Variants in INPP4B observed in about 807,000 individuals in gnomAD.
INPP4B encodes the protein inositol polyphosphate 4-phosphatase type II.
A neutral mutation model predicts 122.5 loss-of-function variants in INPP4B; 55 were observed. That is an observed-to-expected ratio of 0.45 (90% CI 0.36 to 0.56). The LOEUF (loss-of-function observed/expected upper bound fraction) is 0.56. Ranked by LOEUF, INPP4B falls within the 20% of genes least tolerant of loss-of-function variation. The pLI, the probability that INPP4B is intolerant of heterozygous loss-of-function variation, is 0.00. For missense variants in INPP4B, 1,000 were observed against 1,097.7 expected, an observed-to-expected ratio of 0.91 and a Z score of 1.26; for synonymous variants, 403 against 388.7, an observed-to-expected ratio of 1.04 and a Z score of -0.43.
At chr4:142,304,164 G>A (rs1762507044) in intron 9 of INPP4B, among the ~76,000 whole-genome samples, 1 of 151,990 alleles carries the variant, frequency 6.6e-6, no homozygotes, top group African/African-American at 2.4e-5. Context: ...TGAATCCAGG[G>A]GCATATGGGT....
chr4:142,545,785 A>ATGTGTG (rs1560782424), intron 2 of INPP4B, among the ~76,000 whole-genome samples: 11 of 108,502 alleles, frequency 1.0e-4, no homozygotes, highest in Non-Finnish European at 1.9e-4. Flanking sequence ...ATATACACAT[A>ATGTGTG]TATATGTGTG....
chr4:142,786,233 TGTA>T (rs767221041), intron 1 of INPP4B, among the ~76,000 whole-genome samples: 6 of 152,074 alleles, frequency 3.9e-5, no homozygotes. Flanking sequence ...TAGAGCCTCT[TGTA>T]GTCCAAGTAA....
intron 2 of INPP4B, among the ~76,000 whole-genome samples, chr4:142,651,278 T>C (rs925198385): frequency 3.3e-5 from 5 of 152,164 alleles, no homozygotes; most frequent in Admixed American, 6.6e-5. Context: ...AGGAAAGATC[T>C]AAAATTGACA....
At chr4:142,140,664 G>A (rs1407832613) in intron 18 of INPP4B, among the ~76,000 whole-genome samples, 1 of 152,138 alleles carries the variant, frequency 6.6e-6, no homozygotes, top group Non-Finnish European at 1.5e-5. Flanking sequence ...AGTCAGTCAT[G>A]GGTTTAGACA....
chr4:142,101,747 T>C (rs983145928), intron 23 of INPP4B, among the ~76,000 whole-genome samples: 5 of 152,184 alleles, frequency 3.3e-5, no homozygotes, highest in Non-Finnish European at 7.4e-5. Flanking sequence ...TGGAATATGA[T>C]TCTGTATATC....
intron 14 of INPP4B, among the ~76,000 whole-genome samples, chr4:142,205,272 A>G (rs1412498307): frequency 6.6e-6 from 1 of 152,136 alleles, no homozygotes; most frequent in Non-Finnish European, 1.5e-5. Context: ...ACATAATTAA[A>G]TATGAATTCA....
intron 12 of INPP4B, among the ~76,000 whole-genome samples, chr4:142,231,697 A>C (rs1189834881): frequency 6.6e-6 from 1 of 151,774 alleles, no homozygotes; most frequent in African/African-American, 2.4e-5. Flanking sequence ...TCCCTTTTCC[A>C]CTCCCTTGGA....
chr4:142,489,671 G>A (rs2149776151), intron 2 of INPP4B, among the ~76,000 whole-genome samples: 1 of 152,264 alleles, frequency 6.6e-6, no homozygotes, highest in Middle Eastern at 3.4e-3. Context: ...TGGGATTACA[G>A]GTGTGAGCCA....
At chr4:142,367,501 G>T (rs1336105665) in intron 7 of INPP4B, among the ~76,000 whole-genome samples, 5 of 152,020 alleles carry the variant, frequency 3.3e-5, no homozygotes, top group African/African-American at 9.7e-5. Flanking sequence ...CTATCAGTCT[G>T]TCTAGAGGGT....
intron 2 of INPP4B, among the ~76,000 whole-genome samples, chr4:142,551,167 T>C (rs74778232): frequency 0.015 from 2,266 of 152,260 alleles, 44 homozygotes; most frequent in African/African-American, 0.05. Context: ...ACACATTCTT[T>C]CTCTGGCAAC....
chr4:142,363,126 G>A (rs1245353587), intron 7 of INPP4B, among the ~76,000 whole-genome samples: 1 of 152,056 alleles, frequency 6.6e-6, no homozygotes, highest in Non-Finnish European at 1.5e-5. Flanking sequence ...TAGAGGGAAG[G>A]TACAGAGTTA....
chr4:142,254,293 G>A (rs1734356317), intron 11 of INPP4B, among the ~76,000 whole-genome samples: 1 of 146,818 alleles, frequency 6.8e-6, no homozygotes, highest in Non-Finnish European at 1.5e-5. Flanking sequence ...AAAAAGCAGA[G>A]CGCCTCTCCT....
chr4:142,645,953 A>T (rs1751686368), intron 2 of INPP4B, among the ~76,000 whole-genome samples: 1 of 152,198 alleles, frequency 6.6e-6, no homozygotes, highest in African/African-American at 2.4e-5. Context: ...GAAAATACAG[A>T]GACCTGTGTT....
At chr4:142,442,751 A>G (rs1812089615) in intron 3 of INPP4B, among the ~76,000 whole-genome samples, 1 of 152,204 alleles carries the variant, frequency 6.6e-6, no homozygotes, top group Non-Finnish European at 1.5e-5. Flanking sequence ...GCATGGTAGG[A>G]AGATATGTCA....
intron 7 of INPP4B, among the ~76,000 whole-genome samples, chr4:142,346,062 G>A (rs1204842512): frequency 6.6e-6 from 1 of 152,010 alleles, no homozygotes; most frequent in East Asian, 1.9e-4. Flanking sequence ...ACAAGGAAGT[G>A]GCATTGTAGA....
chr4:142,123,972 A>G (rs1010528298), intron 19 of INPP4B, among the ~76,000 whole-genome samples: 3 of 152,054 alleles, frequency 2.0e-5, no homozygotes, highest in Admixed American at 6.6e-5. Flanking sequence ...TGTCCTGTCT[A>G]TAAAACTCAG....
At chr4:142,616,668 T>C (rs997383154) in intron 2 of INPP4B, among the ~76,000 whole-genome samples, 13 of 152,176 alleles carry the variant, frequency 8.5e-5, no homozygotes, top group African/African-American at 2.2e-4. Flanking sequence ...TTATTCATAA[T>C]AGCAGTCATG....
At chr4:142,799,370 CAT>C (rs1777716591) in intron 1 of INPP4B, among the ~76,000 whole-genome samples, 1 of 151,760 alleles carries the variant, frequency 6.6e-6, no homozygotes, top group Non-Finnish European at 1.5e-5. Flanking sequence ...TTCCAAAAAA[CAT>C]ACACTACAAA....
rs561766274 is a variant in INPP4B at position 142,180,754 on chromosome 4, T to C, written c.1182-6945A>G. 1.4e-3 allele frequency among the ~76,000 whole-genome samples: 209 copies of C among 152,258 alleles called. 1 individual carries two copies. Among genetic ancestry groups the C allele is most frequent in the Middle Eastern group, 6.8e-3 (2 of 294 alleles). ...ACATAGTATCAACCCATTTTAAATT[T>C]GGAAAAATTAAAATGCTATAACTAA... On this transcript the variant is annotated intron_variant, in intron 15 of 25. Transcript: ENST00000262992.
Sources: gnomAD v4.1 joint callset for allele counts (sites outside exome capture counted in the v4.1 genomes callset) on GRCh38, gnomAD v4.1.1 for gene constraint, MANE v1.5 for transcripts, NCBI Gene and HGNC (gene_info 2026-07-23, HGNC 2026-07-21) for gene names.